ESCO1: variants seen among roughly 807,000 people sequenced by gnomAD.
ESCO1 encodes N-acetyltransferase ESCO1.
Under a neutral mutation model 83.5 loss-of-function variants are expected in ESCO1, and 33 were observed. The observed-to-expected ratio is 0.40, with a 90% CI of 0.30 to 0.53. ESCO1 has a LOEUF of 0.53. ESCO1 is among the 20% of genes least tolerant of loss of function. The probability of loss-of-function intolerance (pLI) is 0.63; values close to 1 mark genes in which losing one functional copy is unlikely to be tolerated. For synonymous variants in ESCO1, 332 were observed against 324.3 expected (o/e 1.02, Z -0.25); for missense variants, 855 against 968.0 (o/e 0.88, Z 1.55).
At chr18:21,544,011 C>CA (rs1385850401) in intron 8 of ESCO1, among the ~76,000 whole-genome samples, 2 of 152,186 alleles carry the variant, frequency 1.3e-5, no homozygotes, top group Admixed American at 1.3e-4. Flanking sequence ...CAGTGGCTCA[C>CA]ACCTGCAATC....
chr18:21,584,663 T>C (rs2038548974), intron 1 of ESCO1, among the ~76,000 whole-genome samples: 1 of 151,548 alleles, frequency 6.6e-6, no homozygotes. Context: ...TCTTCGAAAA[T>C]ACAAAAATTA....
chr18:21,553,367 G>A (rs1427890965), intron 8 of ESCO1, among the ~76,000 whole-genome samples: 1 of 147,304 alleles, frequency 6.8e-6, no homozygotes, highest in Non-Finnish European at 1.5e-5. Context: ...AGCACTTTGG[G>A]ATGCCAAGGC....
intron 8 of ESCO1, among the ~76,000 whole-genome samples, chr18:21,560,609 A>C (rs1411412159): frequency 1.3e-5 from 2 of 152,200 alleles, no homozygotes; most frequent in East Asian, 3.8e-4. Flanking sequence ...TGACAAGTAC[A>C]ATCACTACTT....
chr18:21,568,746 T>C (rs1051151845), intron 4 of ESCO1, among the ~76,000 whole-genome samples: 2 of 151,734 alleles, frequency 1.3e-5, no homozygotes, highest in African/African-American at 2.4e-5. Context: ...CTACTAAAAA[T>C]ACAAAAATTA....
chr18:21,564,155 A>T, intron 7 of ESCO1, 48 bp downstream of exon 7: 1 of 1,162,694 alleles, frequency 8.6e-7, no homozygotes, highest in Non-Finnish European at 1.3e-6. Context: ...AAATATACTA[A>T]GATGGTTCTA....
intron 8 of ESCO1, among the ~76,000 whole-genome samples, chr18:21,548,130 T>C (rs1462270285): frequency 6.6e-6 from 1 of 150,990 alleles, no homozygotes; most frequent in African/African-American, 2.4e-5. Flanking sequence ...GAAAAGTTAT[T>C]TCCCTGGGCT....
At chr18:21,535,923 G>T in intron 10 of ESCO1, 119 bp downstream of exon 10, 1 of 1,201,210 alleles carries the variant, frequency 8.3e-7, no homozygotes, top group Non-Finnish European at 1.2e-6. Context: ...GGGAATTCTT[G>T]CATTAAAACT....
At chr18:21,551,814 C>G (rs1322588801) in intron 8 of ESCO1, among the ~76,000 whole-genome samples, 1 of 152,174 alleles carries the variant, frequency 6.6e-6, no homozygotes, top group African/African-American at 2.4e-5. Flanking sequence ...AATACCAGAA[C>G]AGAAAACTAC....
chr18:21,572,426 T>A (rs1485418895), intron 4 of ESCO1, among the ~76,000 whole-genome samples: 1 of 152,180 alleles, frequency 6.6e-6, no homozygotes, highest in African/African-American at 2.4e-5. Context: ...TAATCAAAAT[T>A]TATTCCAGAT....
intron 8 of ESCO1, among the ~76,000 whole-genome samples, chr18:21,547,492 ATAAATC>A (rs2037989301): frequency 6.6e-6 from 1 of 152,180 alleles, no homozygotes; most frequent in Non-Finnish European, 1.5e-5. Flanking sequence ...CAAGAATCTT[ATAAATC>A]TAATAGGAGA....
At chr18:21,555,079 G>C (rs1026167971) in intron 8 of ESCO1, among the ~76,000 whole-genome samples, 4 of 152,134 alleles carry the variant, frequency 2.6e-5, no homozygotes, top group African/African-American at 7.2e-5. Context: ...CTGTGTGACA[G>C]AGCAAGACTT....
intron 7 of ESCO1, among the ~76,000 whole-genome samples, chr18:21,563,732 T>C (rs1201753997): frequency 6.6e-6 from 1 of 152,212 alleles, no homozygotes; most frequent in African/African-American, 2.4e-5. Flanking sequence ...AAACCTTGCA[T>C]AAATACAATG....
intron 8 of ESCO1, among the ~76,000 whole-genome samples, chr18:21,541,676 C>T (rs1166708116): frequency 1.3e-5 from 2 of 150,326 alleles, no homozygotes; most frequent in African/African-American, 4.9e-5. Context: ...AGAAGATTTA[C>T]AAGACATCAC....
chr18:21,542,677 G>T (rs12960229), intron 8 of ESCO1, among the ~76,000 whole-genome samples: 121,951 of 152,158 alleles, frequency 0.8, 49,072 homozygotes, highest in East Asian at 0.98. Flanking sequence ...GTTCCCAAGG[G>T]TAAATACAGC....
At chr18:21,594,378 G>A (rs771871271) in intron 1 of ESCO1, among the ~76,000 whole-genome samples, 60 of 152,174 alleles carry the variant, frequency 3.9e-4, no homozygotes, top group Non-Finnish European at 7.5e-4. Context: ...TCTACAAGAT[G>A]TAGCTCTGTA....
intron 8 of ESCO1, among the ~76,000 whole-genome samples, chr18:21,559,905 G>C (rs1568100575): frequency 6.6e-6 from 1 of 152,012 alleles, no homozygotes; most frequent in Non-Finnish European, 1.5e-5. Context: ...CCCTATCCTG[G>C]GTAGAAGTAG....
intron 1 of ESCO1, among the ~76,000 whole-genome samples, chr18:21,591,361 C>A (rs2038665272): frequency 6.6e-6 from 1 of 152,166 alleles, no homozygotes; most frequent in African/African-American, 2.4e-5. Context: ...TAATAAATTT[C>A]TATTGTTTTA....
rs1430483279 is a variant in ESCO1 at position 21,535,486 on chromosome 18, G to A, written c.2187+556C>T. Reference sequence around the variant, plus strand: ...CAACCTCTGCCTCCCGGGTTCAAGCGATTCTCTTGCCTCAGCCTCCCCAAT... The same window carrying A: ...CAACCTCTGCCTCCCGGGTTCAAGCAATTCTCTTGCCTCAGCCTCCCCAAT... On this transcript the variant is annotated intron_variant, in intron 10 of 11. Transcript: ENST00000269214. Among the ~76,000 whole-genome samples, 10 of 151,784 alleles carry A rather than the reference G, an allele frequency of 6.6e-5. No individual in the cohort carries two copies. The East Asian group carries it at 7.7e-4, about 12-fold the overall frequency.
At chr18:21,562,747 TAATC>T (rs2038205441) in intron 7 of ESCO1, among the ~76,000 whole-genome samples, 1 of 152,186 alleles carries the variant, frequency 6.6e-6, no homozygotes, top group Non-Finnish European at 1.5e-5. Flanking sequence ...GTTAGATTTT[TAATC>T]AATCAAAATA....
Sources: gnomAD v4.1 joint callset for allele counts (sites outside exome capture counted in the v4.1 genomes callset) on GRCh38, gnomAD v4.1.1 for gene constraint, MANE v1.5 for transcripts, NCBI Gene and HGNC (gene_info 2026-07-23, HGNC 2026-07-21) for gene names.